Variants in ZNF519 observed in about 807,000 individuals in gnomAD.
ZNF519 encodes the protein similar to Zinc finger protein 85 (Zinc finger protein HPF4) (HTF1).
ZNF519 carries 7 observed loss-of-function variants against 7.4 expected under a neutral mutation model. The observed-to-expected ratio is 0.94, with a 90% CI of 0.54 to 1.77. ZNF519 has a LOEUF of 1.77. Ranked by LOEUF, ZNF519 falls within the 40% of genes most tolerant of loss-of-function variation. The pLI is 0.00. For missense variants in ZNF519, 586 were observed against 623.1 expected (o/e 0.94, Z 0.63); for synonymous variants, 179 against 203.3 (o/e 0.88, Z 1.02).
chr18:14,104,522 TCAAC>T lies in ZNF519; in HGVS notation c.*391_*394del, dbSNP rs2046177803. On this transcript the variant is annotated 3_prime_UTR_variant, in exon 3 of 3. Coordinates refer to ENST00000590202, the MANE Select transcript of ZNF519 (RefSeq NM_145287.4). ...ACTCTCATGTCAGAGACAGCAATAATCAACCACAGTGGGGAAAAAAAAGGTTAAT... is the reference window on the plus strand; with the variant it reads ...ACTCTCATGTCAGAGACAGCAATAATCACAGTGGGGAAAAAAAAGGTTAAT... 6.3e-6 allele frequency: 1 copy of T among 159,472 alleles called. No homozygotes were observed. The highest frequency in any genetic ancestry group is 1.4e-5 in the Non-Finnish European group (1 of 73,004). The allele number at this position is 159,472 out of a possible 1,614,324, so 9.9% of individuals were successfully genotyped here.
At chr18:14,093,023 A>T (rs2046120520) in intron 2 of ZNF519, among the ~76,000 whole-genome samples, 2 of 152,210 alleles carry the variant, frequency 1.3e-5, no homozygotes. Context: ...GATTACCAGA[A>T]AGAGCTACAC....
downstream of ZNF519, among the ~76,000 whole-genome samples, chr18:14,095,806 G>T (rs2046134090): frequency 1.3e-5 from 2 of 152,216 alleles, no homozygotes; most frequent in Non-Finnish European, 2.9e-5. Flanking sequence ...GCACTGTGCT[G>T]CCCAGGACTG....
intron 4 of ZNF519, among the ~76,000 whole-genome samples, chr18:14,077,956 G>A (rs1196958729): frequency 3.9e-5 from 6 of 152,156 alleles, no homozygotes; most frequent in Non-Finnish European, 7.4e-5. Context: ...CCTGGGACCC[G>A]TTCCATGGAT....
intron 2 of ZNF519, among the ~76,000 whole-genome samples, chr18:14,118,193 G>C (rs2046254718): frequency 6.6e-6 from 1 of 151,824 alleles, no homozygotes; most frequent in Non-Finnish European, 1.5e-5. Context: ...TGAGTAGCTG[G>C]GACTACAGGT....
downstream of ZNF519, among the ~76,000 whole-genome samples, chr18:14,095,665 T>C (rs576022661): frequency 7.2e-5 from 11 of 152,346 alleles, no homozygotes; most frequent in African/African-American, 2.6e-4. Flanking sequence ...TCTGTGGGCA[T>C]TGGCCTGGGG....
chr18:14,118,823 T>G (rs1164834049), intron 2 of ZNF519, among the ~76,000 whole-genome samples: 1 of 152,084 alleles, frequency 6.6e-6, no homozygotes, highest in East Asian at 1.9e-4. Context: ...TGGCCTCAGC[T>G]GTGGTCCCGG....
chr18:14,124,075 A>G (rs2143165297), intron 2 of ZNF519: 2 of 189,246 alleles, frequency 1.1e-5, no homozygotes, highest in East Asian at 3.2e-4. Context: ...CGGGAGGTTG[A>G]GGCAGGAGAA....
At chr18:14,083,757 T>C (rs993640133) in intron 3 of ZNF519, among the ~76,000 whole-genome samples, 1 of 152,152 alleles carries the variant, frequency 6.6e-6, no homozygotes, top group Non-Finnish European at 1.5e-5. Context: ...ATTCAGTTGG[T>C]TGAGCTTCAA....
chr18:14,123,808 T>C (rs1324076725), intron 2 of ZNF519, among the ~76,000 whole-genome samples: 1 of 152,150 alleles, frequency 6.6e-6, no homozygotes, highest in African/African-American at 2.4e-5. Context: ...AAACTACCAC[T>C]AATCTAGAGT....
At chr18:14,081,688 A>G (rs2046071071) in intron 3 of ZNF519, among the ~76,000 whole-genome samples, 1 of 152,148 alleles carries the variant, frequency 6.6e-6, no homozygotes, top group Admixed American at 6.6e-5. Flanking sequence ...TAATTCTGAC[A>G]ACTTTCAGAG....
chr18:14,128,898 G>A (rs1229059785), intron 1 of ZNF519, among the ~76,000 whole-genome samples: 1 of 152,126 alleles, frequency 6.6e-6, no homozygotes, highest in Non-Finnish European at 1.5e-5. Flanking sequence ...TACAACAGCC[G>A]GGTCTAAAGG....
At chr18:14,111,086 A>G (rs1257089454) in intron 2 of ZNF519, among the ~76,000 whole-genome samples, 1 of 152,014 alleles carries the variant, frequency 6.6e-6, no homozygotes, top group Non-Finnish European at 1.5e-5. Context: ...TTAGAAGAAA[A>G]GAAATAATAA....
chr18:14,098,399 A>C (rs2046146495), downstream of ZNF519, among the ~76,000 whole-genome samples: 1 of 151,994 alleles, frequency 6.6e-6, no homozygotes, highest in Admixed American at 6.5e-5. Context: ...GCCTCAAGAG[A>C]TTCACCTGCC....
intron 1 of ZNF519, among the ~76,000 whole-genome samples, chr18:14,125,319 T>C (rs1598523458): frequency 6.6e-6 from 1 of 152,198 alleles, no homozygotes; most frequent in East Asian, 1.9e-4. Flanking sequence ...TGCACAAGCA[T>C]TAATGCAATG....
At chr18:14,093,550 TTAAAAG>T (rs1242669170) in intron 2 of ZNF519, among the ~76,000 whole-genome samples, 1 of 152,124 alleles carries the variant, frequency 6.6e-6, no homozygotes, top group Non-Finnish European at 1.5e-5. Flanking sequence ...ATGGCTACTA[TTAAAAG>T]AAAAACTTTA....
At chr18:14,094,213 A>G (rs1320535156) in intron 2 of ZNF519, among the ~76,000 whole-genome samples, 1 of 152,210 alleles carries the variant, frequency 6.6e-6, no homozygotes, top group East Asian at 1.9e-4. Flanking sequence ...TTTTCTTCAG[A>G]GATGTTGAGT....
In ZNF519 at chr18:14,106,343, G is replaced by A. The variant is rs575583546; in HGVS notation, c.197C>T (p.Ala66Val). ...ACAGCTCCCATATCTTCCCAGTGTT[G>A]CTTTTTTGAATGAATCTTGTATGCC... ...EQGIQDSFKK[A>V]TLGRYGSCGL... The change falls in exon 3 of 3, where the codon GCA becomes GTA. Residue 66 changes from alanine (A) to valine (V), a missense_variant. Ala to Val is a moderately conservative substitution (Grantham distance 64). Transcript: ENST00000590202. The A allele has an allele frequency of 8.1e-6, 13 of 1,611,692 alleles. No homozygotes were observed. The highest frequency in any genetic ancestry group is 5.0e-5 in the Admixed American group (3 of 59,598).
intron 2 of ZNF519, among the ~76,000 whole-genome samples, chr18:14,116,407 T>C (rs1054301516): frequency 1.3e-5 from 2 of 152,234 alleles, no homozygotes; most frequent in Non-Finnish European, 2.9e-5. Context: ...CCACACTTCC[T>C]GTTTTTAGAA....
At chr18:14,125,352 C>T (rs1477374510) in intron 1 of ZNF519, among the ~76,000 whole-genome samples, 3 of 152,162 alleles carry the variant, frequency 2.0e-5, no homozygotes, top group Admixed American at 6.5e-5. Context: ...GTACTATGTG[C>T]CCAAGAGTAT....
Sources: allele counts gnomAD v4.1 joint callset (sites outside exome capture counted in the v4.1 genomes callset), GRCh38; gene constraint gnomAD v4.1.1; transcripts MANE v1.5; gene names NCBI Gene and HGNC (gene_info 2026-07-23, HGNC 2026-07-21).